Variants in SPIDR observed in about 807,000 individuals in gnomAD.
SPIDR encodes scaffold protein involved in DNA repair.
A neutral mutation model predicts 104.6 loss-of-function variants in SPIDR; 93 were observed. The observed-to-expected ratio is 0.89, with a 90% CI of 0.75 to 1.06. The LOEUF (loss-of-function observed/expected upper bound fraction) is 1.06, where lower values mean the gene tolerates loss of function less well. Among genes scored for constraint, SPIDR ranks in the 50% least tolerant of loss-of-function variants. SPIDR has a pLI of 0.00. For synonymous variants in SPIDR, 431 were observed against 416.9 expected (o/e 1.03, Z -0.41); for missense variants, 1,154 against 1,111.2 (o/e 1.04, Z -0.55).
chr8:47,439,625 A>G (rs2069010261), intron 7 of SPIDR, among the ~76,000 whole-genome samples: 1 of 152,226 alleles, frequency 6.6e-6, no homozygotes, highest in Non-Finnish European at 1.5e-5. Flanking sequence ...TTTCTGGGGT[A>G]TAGGCTATGC....
intron 8 of SPIDR, among the ~76,000 whole-genome samples, chr8:47,595,360 A>G (rs551463178): frequency 1.3e-5 from 2 of 152,362 alleles, no homozygotes; most frequent in South Asian, 2.1e-4. Flanking sequence ...TGAGGTATTC[A>G]GCAACTATAG....
chr8:47,634,462 TA>T (rs967061158), intron 10 of SPIDR, among the ~76,000 whole-genome samples: 84 of 144,392 alleles, frequency 5.8e-4, no homozygotes, highest in Admixed American at 3.3e-3. Flanking sequence ...AAAAACAAAT[TA>T]AAAAAAAAAA....
chr8:47,370,223 CTCCT>C (rs782738705), intron 5 of SPIDR, among the ~76,000 whole-genome samples: 7 of 152,090 alleles, frequency 4.6e-5, no homozygotes, highest in Non-Finnish European at 1.0e-4. Flanking sequence ...AGAAATCTGT[CTCCT>C]TAGAAGGCAG....
At chr8:47,659,983 C>T (rs188449925) in intron 10 of SPIDR, among the ~76,000 whole-genome samples, 2 of 152,296 alleles carry the variant, frequency 1.3e-5, no homozygotes, top group East Asian at 1.9e-4. Flanking sequence ...CACATGCGTG[C>T]GCAGGCACAC....
At chr8:47,682,725 TATAAC>T (rs2077261135) in intron 11 of SPIDR, among the ~76,000 whole-genome samples, 1 of 152,100 alleles carries the variant, frequency 6.6e-6, no homozygotes, top group Non-Finnish European at 1.5e-5. Context: ...ATCAAAAAGG[TATAAC>T]ATAAGGAATA....
At chr8:47,401,975 C>A (rs150281209) in intron 6 of SPIDR, among the ~76,000 whole-genome samples, 1 of 152,178 alleles carries the variant, frequency 6.6e-6, no homozygotes, top group African/African-American at 2.4e-5. Context: ...AGCTCTGCAC[C>A]TAGCAGACCT....
Position 47,673,824 on chromosome 8 carries a change from C to T in SPIDR, c.1568C>T (p.Ala523Val). Residue 523 changes from alanine to valine, a missense_variant, in exon 11 of 20, where the codon GCC (alanine) becomes GTC (valine). Transcript: ENST00000297423. ...AGAGCCTGCCTTCTGGTACAAGATG[C>T]CTGTGGAATGTTCGGTGAAGTGCAC... ...GTRACLLVQD[A>V]CGMFGEVHLE... The T allele has an allele frequency of 6.2e-7, 1 of 1,614,052 alleles. No individual in the cohort carries two copies. The highest frequency in any genetic ancestry group is 1.3e-5 in the African/African-American group (1 of 74,984).
intron 11 of SPIDR, among the ~76,000 whole-genome samples, chr8:47,682,254 C>CAAA (rs752295991): frequency 2.8e-5 from 2 of 72,172 alleles, no homozygotes; most frequent in Admixed American, 1.5e-4. Flanking sequence ...ATGCTAAGTC[C>CAAA]AAAAAAAAAA....
At chr8:47,420,664 TAC>T (rs1474368344) in intron 7 of SPIDR, among the ~76,000 whole-genome samples, 1 of 152,228 alleles carries the variant, frequency 6.6e-6, no homozygotes, top group African/African-American at 2.4e-5. Context: ...ATTATGATGT[TAC>T]CTGGTTATTT....
intron 5 of SPIDR, among the ~76,000 whole-genome samples, chr8:47,294,889 A>C (rs2040562043): frequency 6.6e-6 from 1 of 151,928 alleles, no homozygotes; most frequent in Non-Finnish European, 1.5e-5. Flanking sequence ...TTTACTTCTT[A>C]ATTTTTTTTC....
chr8:47,330,962 AT>A, intron 5 of SPIDR: 1 of 339,984 alleles, frequency 2.9e-6, no homozygotes, highest in Non-Finnish European at 5.9e-6. Flanking sequence ...AACATTTTGC[AT>A]TCCCACCAGC....
chr8:47,360,504 A>T (rs1022078786), intron 5 of SPIDR, among the ~76,000 whole-genome samples: 19 of 152,112 alleles, frequency 1.2e-4, no homozygotes, highest in African/African-American at 4.6e-4. Flanking sequence ...GGAGCCTATG[A>T]CTGCCTGTGG....
At chr8:47,647,991 G>A (rs1291114733) in intron 10 of SPIDR, among the ~76,000 whole-genome samples, 2 of 152,176 alleles carry the variant, frequency 1.3e-5, no homozygotes, top group Admixed American at 6.5e-5. Flanking sequence ...GACTCTGATC[G>A]TGAGGAGGTC....
intron 5 of SPIDR, among the ~76,000 whole-genome samples, chr8:47,314,517 A>G (rs958143348): frequency 1.1e-4 from 16 of 152,186 alleles, no homozygotes; most frequent in Admixed American, 2.0e-4. Flanking sequence ...GGAAGCAAAC[A>G]TGTCCTTCAC....
chr8:47,708,066 G>A (rs553301587), intron 14 of SPIDR, among the ~76,000 whole-genome samples: 30 of 152,328 alleles, frequency 2.0e-4, no homozygotes, highest in Admixed American at 1.4e-3. Context: ...TTGGGAGGCC[G>A]AGGCAGGTGG....
At position 47,583,049 on chromosome 8, in the gene SPIDR, A is replaced by G. The variant is rs141232136; in HGVS notation, c.1098-12762A>G. On this transcript the variant is annotated intron_variant, in intron 8 of 19. Coordinates refer to ENST00000297423, the MANE Select transcript of SPIDR (RefSeq NM_001080394.4). ...GCCTGTCCTACCACTATGGCCACCA[A>G]CTTCTCAAGTATGCTCTGAGAATTT... Among the ~76,000 whole-genome samples, 415 of 151,812 alleles carry G rather than the reference A, an allele frequency of 2.7e-3. 1 individual carries two copies. Among genetic ancestry groups the G allele is most frequent in the African/African-American group, 9.8e-3 (405 of 41,378 alleles).
intron 8 of SPIDR, chr8:47,511,451 T>C (rs1052138107): frequency 2.5e-6 from 2 of 784,586 alleles, no homozygotes; most frequent in African/African-American, 3.4e-5. Flanking sequence ...ATATCCAAGT[T>C]CGCCTGTCCA....
chr8:47,579,373 A>G (rs2059473728), intron 8 of SPIDR, among the ~76,000 whole-genome samples: 1 of 152,194 alleles, frequency 6.6e-6, no homozygotes, highest in Non-Finnish European at 1.5e-5. Flanking sequence ...CAGAATTATG[A>G]TAACCCCACA....
intron 11 of SPIDR, among the ~76,000 whole-genome samples, chr8:47,681,430 T>G (rs1422130685): frequency 1.3e-5 from 2 of 152,186 alleles, no homozygotes; most frequent in Non-Finnish European, 2.9e-5. Flanking sequence ...ACAAAACATT[T>G]TCTTTGGATT....
Sources: gnomAD v4.1 joint callset for allele counts (sites outside exome capture counted in the v4.1 genomes callset) on GRCh38, gnomAD v4.1.1 for gene constraint, MANE v1.5 for transcripts, NCBI Gene and HGNC (gene_info 2026-07-23, HGNC 2026-07-21) for gene names.